TMEM108: variants seen among roughly 807,000 people sequenced by gnomAD.
TMEM108 encodes cancer/testis antigen 124.
In TMEM108, 12 loss-of-function variants were observed where a neutral mutation model predicts 35.1. The ratio of observed to expected loss-of-function variants is 0.34; its 90% CI spans 0.22 to 0.55. The LOEUF (loss-of-function observed/expected upper bound fraction) is 0.55, where lower values mean the gene tolerates loss of function less well. TMEM108 is among the 20% of genes least tolerant of loss of function. The pLI is 0.89. For synonymous variants in TMEM108, 287 were observed against 308.6 expected (o/e 0.93, Z 0.73); for missense variants, 680 against 753.3 (o/e 0.90, Z 1.14).
intron 2 of TMEM108, among the ~76,000 whole-genome samples, chr3:133,073,994 A>G (rs1943710544): frequency 6.6e-6 from 1 of 151,932 alleles, no homozygotes; most frequent in Non-Finnish European, 1.5e-5. Flanking sequence ...TTTGCCCCCC[A>G]TTTTTTAATC....
chr3:133,248,489 G>A (rs1230996591), intron 3 of TMEM108: 1 of 152,162 alleles, frequency 6.6e-6, no homozygotes, highest in Non-Finnish European at 1.5e-5. Flanking sequence ...TGTGTCTCTT[G>A]ATGGAGTTTA....
chr3:133,284,846 A>G (rs545680456), intron 3 of TMEM108, among the ~76,000 whole-genome samples: 4 of 152,322 alleles, frequency 2.6e-5, no homozygotes, highest in African/African-American at 9.6e-5. Context: ...TTTTTGTGCT[A>G]CATCCTGGAT....
intron 3 of TMEM108, among the ~76,000 whole-genome samples, chr3:133,376,896 C>T (rs539141103): frequency 2.0e-5 from 3 of 152,302 alleles, no homozygotes; most frequent in Admixed American, 1.3e-4. Context: ...CACAATACCA[C>T]AGACAGAAAT....
At chr3:133,288,110 C>T (rs1947010665) in intron 3 of TMEM108, among the ~76,000 whole-genome samples, 1 of 152,172 alleles carries the variant, frequency 6.6e-6, no homozygotes, top group African/African-American at 2.4e-5. Flanking sequence ...CCCGCATGGT[C>T]ATTTATACAC....
chr3:133,129,015 AC>A (rs1944453491), intron 2 of TMEM108, among the ~76,000 whole-genome samples: 1 of 152,086 alleles, frequency 6.6e-6, no homozygotes, highest in Non-Finnish European at 1.5e-5. Context: ...CAGGTCAGAT[AC>A]CTCTCTGGCA....
chr3:133,069,520 T>C (rs967804109), intron 2 of TMEM108, among the ~76,000 whole-genome samples: 1 of 152,128 alleles, frequency 6.6e-6, no homozygotes, highest in Admixed American at 6.6e-5. Context: ...GTCATATCTT[T>C]TAAGGTCTTA....
intron 3 of TMEM108, among the ~76,000 whole-genome samples, chr3:133,238,121 T>A (rs372229623): frequency 1.8e-4 from 28 of 151,816 alleles, no homozygotes; most frequent in Non-Finnish European, 3.7e-4. Flanking sequence ...CCTCCCTCAC[T>A]CACACACATA....
At chr3:133,274,539 C>T (rs541582194) in intron 3 of TMEM108, among the ~76,000 whole-genome samples, 1 of 152,288 alleles carries the variant, frequency 6.6e-6, no homozygotes, top group Non-Finnish European at 1.5e-5. Flanking sequence ...CCCAAAGTAG[C>T]TGGTGACTTT....
intron 3 of TMEM108, among the ~76,000 whole-genome samples, chr3:133,268,210 A>C (rs1428067816): frequency 6.6e-6 from 1 of 152,260 alleles, no homozygotes; most frequent in East Asian, 1.9e-4. Flanking sequence ...CTTCTTGGAC[A>C]GTATGGAGAA....
At chr3:133,200,262 G>A (rs1238689288) in intron 2 of TMEM108, among the ~76,000 whole-genome samples, 6 of 152,160 alleles carry the variant, frequency 3.9e-5, no homozygotes, top group African/African-American at 2.4e-5. Flanking sequence ...TCGGTAGGCT[G>A]CACCCACTCT....
At chr3:133,087,927 C>T (rs1417517200) in intron 2 of TMEM108, among the ~76,000 whole-genome samples, 1 of 152,060 alleles carries the variant, frequency 6.6e-6, no homozygotes, top group East Asian at 1.9e-4. Flanking sequence ...TTGAGAGAGC[C>T]CACTCTCATA....
At chr3:133,073,298 G>C (rs1297474663) in intron 2 of TMEM108, among the ~76,000 whole-genome samples, 6 of 151,578 alleles carry the variant, frequency 4.0e-5, no homozygotes, top group African/African-American at 1.5e-4. Context: ...CAAGTCCCTA[G>C]TGTCCACTGT....
chr3:133,333,491 A>G (rs900235474), intron 3 of TMEM108, among the ~76,000 whole-genome samples: 1 of 152,220 alleles, frequency 6.6e-6, no homozygotes, highest in Non-Finnish European at 1.5e-5. Context: ...CCCTGCTATA[A>G]ATTGTCTTTC....
At chr3:133,136,841 AG>A (rs1944571118) in intron 2 of TMEM108, among the ~76,000 whole-genome samples, 1 of 152,190 alleles carries the variant, frequency 6.6e-6, no homozygotes, top group African/African-American at 2.4e-5. Context: ...AATAATTCCT[AG>A]CCTTTTGTGT....
chr3:133,384,421 G>A lies in TMEM108; in HGVS notation c.1450+3260G>A, dbSNP rs1218074000. Among the ~76,000 whole-genome samples, 3 of 121,602 alleles carry A rather than the reference G, an allele frequency of 2.5e-5. No individual in the cohort carries two copies. The East Asian group carries it at 6.9e-4, about 28-fold the overall frequency. The allele number at this position is 121,602 out of a possible 152,430, so 79.8% of individuals were successfully genotyped here. ...TAAGGCAGATCCCAGGCCTGTGCAAGGAGGGAGGGTGTCCGTTCACCTGCC... is the reference window on the plus strand; with the variant it reads ...TAAGGCAGATCCCAGGCCTGTGCAAAGAGGGAGGGTGTCCGTTCACCTGCC... On this transcript the variant is annotated intron_variant, in intron 4 of 5. Coordinates refer to ENST00000321871, the MANE Select transcript of TMEM108 (RefSeq NM_023943.4).
rs749873619 is a variant in TMEM108 at position 133,381,099 on chromosome 3, G to A, written c.1388G>A (p.Cys463Tyr). ...GDKPQHRATI[C>Y]LSKMDIAWVI... ...AAACCGCAGCACAGAGCCACCATCT[G>A]CCTGAGCAAGATGGATATCGCCTGG... The change falls in exon 4 of 6, where the codon TGC (cysteine) becomes TAC (tyrosine). Residue 463 changes from cysteine to tyrosine, a missense_variant. This residue lies in a region of TMEM108 where 105 missense variants were observed against 150.7 expected (regional missense o/e 0.70). Transcript: ENST00000321871. The A allele has an allele frequency of 6.2e-7, 1 of 1,613,926 alleles. No individual in the cohort carries two copies. Among genetic ancestry groups the A allele is most frequent in the Non-Finnish European group, 8.5e-7 (1 of 1,179,828 alleles).
chr3:133,080,324 CTT>C (rs1205705893), intron 2 of TMEM108, among the ~76,000 whole-genome samples: 2 of 152,234 alleles, frequency 1.3e-5, no homozygotes, highest in African/African-American at 4.8e-5. Flanking sequence ...ATTTCAAACT[CTT>C]TGAGTTGTGA....
chr3:133,043,908 A>C (rs1943304707), intron 1 of TMEM108, among the ~76,000 whole-genome samples: 1 of 152,162 alleles, frequency 6.6e-6, no homozygotes, highest in Admixed American at 6.5e-5. Flanking sequence ...TCCAAATAAG[A>C]GTGACTGGGA....
intron 2 of TMEM108, among the ~76,000 whole-genome samples, chr3:133,081,871 T>G (rs1165709807): frequency 6.6e-6 from 1 of 152,170 alleles, no homozygotes; most frequent in Admixed American, 6.5e-5. Flanking sequence ...GCAATGTAAC[T>G]CTGAGCAACA....
Sources: gnomAD v4.1 joint callset for allele counts (sites outside exome capture counted in the v4.1 genomes callset) on GRCh38, gnomAD v4.1.1 for gene constraint, gnomAD v4.1.1 regional missense constraint, MANE v1.5 for transcripts, NCBI Gene and HGNC (gene_info 2026-07-23, HGNC 2026-07-21) for gene names.